The following CNTNAP5 variants were observed in gnomAD, a reference collection of about 807,000 sequenced individuals.
CNTNAP5 encodes the protein contactin associated protein family member 5, also known as contactin-associated protein-like 5.
CNTNAP5 carries 72 observed loss-of-function variants against 150.2 expected under a neutral mutation model. The observed-to-expected ratio is 0.48, with a 90% CI of 0.40 to 0.58. The LOEUF is 0.58. Among genes scored for constraint, CNTNAP5 ranks in the 20% least tolerant of loss-of-function variants. The pLI, the probability that CNTNAP5 is intolerant of heterozygous loss-of-function variation, is 0.00. For missense variants in CNTNAP5, 1,636 were observed against 1,626.2 expected (o/e 1.01, Z -0.10); for synonymous variants, 672 against 619.8 (o/e 1.08, Z -1.25).
chr2:124,673,281 A>G (rs1259719500), intron 13 of CNTNAP5, among the ~76,000 whole-genome samples: 1 of 152,140 alleles, frequency 6.6e-6, no homozygotes. Context: ...TGTTCTCAGA[A>G]TGTGCTTTCC....
chr2:124,402,151 C>T (rs1691441094), intron 3 of CNTNAP5, among the ~76,000 whole-genome samples: 1 of 152,098 alleles, frequency 6.6e-6, no homozygotes, highest in South Asian at 2.1e-4. Context: ...CTTCATATTT[C>T]ATTTTCTGAA....
chr2:124,183,701 G>C (rs559631188), intron 1 of CNTNAP5, among the ~76,000 whole-genome samples: 1 of 152,252 alleles, frequency 6.6e-6, no homozygotes, highest in South Asian at 2.1e-4. Flanking sequence ...TTATAATGAA[G>C]TTGACTTACT....
At chr2:124,257,430 T>C (rs1379865652) in intron 3 of CNTNAP5, among the ~76,000 whole-genome samples, 3 of 152,216 alleles carry the variant, frequency 2.0e-5, no homozygotes, top group Non-Finnish European at 4.4e-5. Flanking sequence ...TGACTGGTTA[T>C]GCATTGCCAA....
intron 13 of CNTNAP5, among the ~76,000 whole-genome samples, chr2:124,661,670 A>G (rs961825868): frequency 1.3e-5 from 2 of 152,112 alleles, no homozygotes; most frequent in African/African-American, 4.8e-5. Context: ...ATTATAAAGT[A>G]TTATGTACTG....
intron 1 of CNTNAP5, among the ~76,000 whole-genome samples, chr2:124,180,642 C>T (rs1458806201): frequency 1.3e-5 from 2 of 152,074 alleles, no homozygotes; most frequent in Non-Finnish European, 2.9e-5. Context: ...TATTATGACT[C>T]ATTATAACTA....
At chr2:124,128,359 G>A (rs1448125135) in intron 1 of CNTNAP5, among the ~76,000 whole-genome samples, 1 of 152,140 alleles carries the variant, frequency 6.6e-6, no homozygotes, top group African/African-American at 2.4e-5. Context: ...AAACCACAAT[G>A]AGATACCATC....
chr2:124,089,948 C>T (rs1682776536), intron 1 of CNTNAP5, among the ~76,000 whole-genome samples: 1 of 152,224 alleles, frequency 6.6e-6, no homozygotes, highest in African/African-American at 2.4e-5. Flanking sequence ...TTATGACCAT[C>T]ACCTAATGCT....
At chr2:124,489,674 C>G (rs1693973067) in intron 7 of CNTNAP5, among the ~76,000 whole-genome samples, 1 of 152,110 alleles carries the variant, frequency 6.6e-6, no homozygotes, top group South Asian at 2.1e-4. Flanking sequence ...ATTTTCAGCT[C>G]CATGAAGTAG....
chr2:124,913,229 T>C (rs914683127), intron 23 of CNTNAP5, among the ~76,000 whole-genome samples: 1 of 152,080 alleles, frequency 6.6e-6, no homozygotes, highest in African/African-American at 2.4e-5. Flanking sequence ...TCTTTGCTTA[T>C]CATACATATT....
At chr2:124,689,516 T>G (rs1290660620) in intron 13 of CNTNAP5, among the ~76,000 whole-genome samples, 1 of 152,102 alleles carries the variant, frequency 6.6e-6, no homozygotes, top group Non-Finnish European at 1.5e-5. Context: ...TGTATACATG[T>G]GTATGCACAC....
chr2:124,798,325 G>C lies in CNTNAP5; in HGVS notation c.3217+5G>C. 1 of 1,597,638 alleles carries C rather than the reference G, an allele frequency of 6.3e-7. No homozygotes were observed. Among genetic ancestry groups the C allele is most frequent in the South Asian group, 1.1e-5 (1 of 90,738 alleles). On this transcript the variant is annotated splice_donor_5th_base_variant and intron_variant, in intron 19 of 23. Coordinates refer to ENST00000682447, the MANE Select transcript of CNTNAP5 (RefSeq NM_001367498.1). ...TTGTTCTGCTCTGCAAGAATGGTGA[G>C]TGTGATGGCATGATACCCAGCGGAG...
At chr2:124,251,379 T>A (rs1687172080) in intron 3 of CNTNAP5, among the ~76,000 whole-genome samples, 1 of 152,092 alleles carries the variant, frequency 6.6e-6, no homozygotes, top group Non-Finnish European at 1.5e-5. Flanking sequence ...TGATTTTTTT[T>A]TCCTTTTGTA....
At chr2:124,750,661 T>C (rs1046284611) in intron 14 of CNTNAP5, among the ~76,000 whole-genome samples, 1 of 152,004 alleles carries the variant, frequency 6.6e-6, no homozygotes, top group African/African-American at 2.4e-5. Flanking sequence ...ATTAGGTGGG[T>C]ACAAAAGTAA....
intron 13 of CNTNAP5, among the ~76,000 whole-genome samples, chr2:124,721,516 A>AATAAATAC (rs1427097844): frequency 2.7e-5 from 4 of 150,766 alleles, no homozygotes; most frequent in Middle Eastern, 6.8e-3. Flanking sequence ...TAAATACATA[A>AATAAATAC]ATAAATATTA....
intron 13 of CNTNAP5, among the ~76,000 whole-genome samples, chr2:124,682,945 G>A (rs1461740405): frequency 2.0e-5 from 3 of 152,156 alleles, no homozygotes; most frequent in Admixed American, 6.5e-5. Flanking sequence ...TTACTTACAC[G>A]TAAACAACTG....
At chr2:124,068,221 A>T (rs1682212623) in intron 1 of CNTNAP5, among the ~76,000 whole-genome samples, 1 of 152,176 alleles carries the variant, frequency 6.6e-6, no homozygotes, top group Admixed American at 6.5e-5. Context: ...AATCATTGGC[A>T]CTACCCCTTT....
At chr2:124,168,319 G>A (rs1684853352) in intron 1 of CNTNAP5, among the ~76,000 whole-genome samples, 1 of 152,178 alleles carries the variant, frequency 6.6e-6, no homozygotes, top group African/African-American at 2.4e-5. Context: ...ACGTTGGACT[G>A]TTAGAGAGCA....
At chr2:124,585,909 A>T (rs1183529593) in intron 11 of CNTNAP5, among the ~76,000 whole-genome samples, 1 of 152,030 alleles carries the variant, frequency 6.6e-6, no homozygotes. Flanking sequence ...CACACCACGA[A>T]CTCAACTCTC....
intron 1 of CNTNAP5, among the ~76,000 whole-genome samples, chr2:124,099,278 A>G (rs1683010651): frequency 6.6e-6 from 1 of 152,226 alleles, no homozygotes; most frequent in African/African-American, 2.4e-5. Context: ...AAGACTCCGC[A>G]TAGCACACAG....
Sources: gnomAD v4.1 joint callset for allele counts (sites outside exome capture counted in the v4.1 genomes callset) on GRCh38, gnomAD v4.1.1 for gene constraint, MANE v1.5 for transcripts, NCBI Gene and HGNC (gene_info 2026-07-23, HGNC 2026-07-21) for gene names.